CNNM1: variants seen among roughly 807,000 people sequenced by gnomAD.
The protein encoded by CNNM1 is metal transporter CNNM1.
In CNNM1, 44 loss-of-function variants were observed where a neutral mutation model predicts 78.8. The observed-to-expected ratio is 0.56, with a 90% confidence interval of 0.44 to 0.72. The LOEUF (loss-of-function observed/expected upper bound fraction) is 0.72, where lower values mean the gene tolerates loss of function less well. Among genes scored for constraint, CNNM1 ranks in the 30% least tolerant of loss-of-function variants. CNNM1 has a pLI of 0.00. For synonymous variants in CNNM1, 584 were observed against 581.5 expected, an observed-to-expected ratio of 1.00 and a Z score of -0.06; for missense variants, 1,101 against 1,292.2, an observed-to-expected ratio of 0.85 and a Z score of 2.27.
At chr10:99,378,130 A>C (rs2032034553) in intron 7 of CNNM1, among the ~76,000 whole-genome samples, 1 of 151,974 alleles carries the variant, frequency 6.6e-6, no homozygotes, top group African/African-American at 2.4e-5. Flanking sequence ...CGTCCAGCTA[A>C]CTTTTGTGTT....
rs76497746 is a variant in CNNM1 at position 99,387,121 on chromosome 10, C to T, written c.2341-699C>T. ...AGGGGTGACAGAGACACCCTCCTGC[C>T]TTTTAGAAGAGATATTTGATCCATA... On this transcript the variant is annotated intron_variant, in intron 7 of 10. Coordinates refer to ENST00000356713, the MANE Select transcript of CNNM1 (RefSeq NM_020348.3). 7.1e-3 allele frequency among the ~76,000 whole-genome samples: 1,085 copies of T among 152,278 alleles called. 7 individuals are homozygous for T. Among genetic ancestry groups the T allele is most frequent in the Non-Finnish European group, 0.01 (695 of 68,026 alleles).
chr10:99,392,464 A>G lies in CNNM1; in HGVS notation c.*948A>G, dbSNP rs1215362640. On this transcript the variant is annotated 3_prime_UTR_variant, in exon 11 of 11. Transcript: ENST00000356713. ...CAAGAAAGATACATAATCTCATGGG[A>G]CTTCAGTGGGAGTTACACAGGAATG... 6 of 152,782 alleles carry G rather than the reference A, an allele frequency of 3.9e-5. No homozygotes were observed. The East Asian group carries it at 9.7e-4, about 25-fold the overall frequency. The allele number at this position is 152,782 out of a possible 1,614,324, so 9.5% of individuals were successfully genotyped here.
intron 7 of CNNM1, among the ~76,000 whole-genome samples, chr10:99,380,763 C>T (rs2032119878): frequency 6.6e-6 from 1 of 150,438 alleles, no homozygotes; most frequent in African/African-American, 2.5e-5. Context: ...TGCACTCCAG[C>T]CTGGGTGACA....
chr10:99,363,360 T>G (rs901123733), intron 4 of CNNM1, among the ~76,000 whole-genome samples: 1 of 152,226 alleles, frequency 6.6e-6, no homozygotes, highest in African/African-American at 2.4e-5. Context: ...CCTGTTACAT[T>G]GTTTGTATAA....
intron 6 of CNNM1, chr10:99,368,388 C>T (rs2031691466): frequency 3.0e-6 from 1 of 337,840 alleles, no homozygotes; most frequent in Non-Finnish European, 5.9e-6. Context: ...CACATCTTTT[C>T]AGATGACCTT....
intron 1 of CNNM1, among the ~76,000 whole-genome samples, chr10:99,353,495 G>A (rs528265556): frequency 1.3e-5 from 2 of 152,292 alleles, no homozygotes; most frequent in South Asian, 4.2e-4. Context: ...GTGGCAGGAG[G>A]GAGTGACTTG....
chr10:99,388,087 TCA>T, intron 8 of CNNM1, 63 bp from the exon 9 acceptor site: 1 of 1,601,728 alleles, frequency 6.2e-7, no homozygotes, highest in South Asian at 1.1e-5. Context: ...TTCCCAGGGC[TCA>T]CACCACCTGA....
intron 6 of CNNM1, among the ~76,000 whole-genome samples, chr10:99,371,638 T>G (rs1332419515): frequency 6.6e-6 from 1 of 152,176 alleles, no homozygotes; most frequent in African/African-American, 2.4e-5. Context: ...GAAATATTCC[T>G]TCGGGTTGGC....
At chr10:99,337,244 T>C (rs970066693) in intron 1 of CNNM1, among the ~76,000 whole-genome samples, 9 of 152,194 alleles carry the variant, frequency 5.9e-5, no homozygotes, top group African/African-American at 2.2e-4. Flanking sequence ...TTCTCTCTAG[T>C]GCCACTAAAA....
chr10:99,368,570 A>T (rs1288749392), intron 6 of CNNM1: 1 of 1,202,390 alleles, frequency 8.3e-7, no homozygotes, highest in East Asian at 5.7e-5. Flanking sequence ...TTTTGTGTTT[A>T]TATCTTCCCT....
chr10:99,383,377 G>A (rs916673443), intron 7 of CNNM1, among the ~76,000 whole-genome samples: 4 of 152,080 alleles, frequency 2.6e-5, no homozygotes, highest in Admixed American at 6.5e-5. Flanking sequence ...GAGTTCAAGC[G>A]ATTCTCCTGC....
At chr10:99,360,759 C>G in intron 2 of CNNM1, 76 bp from the exon 3 acceptor site, 1 of 1,517,080 alleles carries the variant, frequency 6.6e-7, no homozygotes, top group Non-Finnish European at 8.9e-7. Context: ...CTATCTGTCC[C>G]CTGTGATTCT....
intron 1 of CNNM1, among the ~76,000 whole-genome samples, chr10:99,340,679 G>T (rs2030402973): frequency 6.6e-6 from 1 of 151,430 alleles, no homozygotes; most frequent in African/African-American, 2.4e-5. Flanking sequence ...TTTCAAAATG[G>T]GATTCTCCTC....
chr10:99,376,969 C>G, intron 6 of CNNM1, 86 bp from the exon 7 acceptor site: 5 of 1,270,102 alleles, frequency 3.9e-6, no homozygotes, highest in Non-Finnish European at 4.4e-6. Flanking sequence ...ACACCTGTCT[C>G]TCCCTCCTTC....
chr10:99,371,012 A>G (rs1022251797), intron 6 of CNNM1, among the ~76,000 whole-genome samples: 1 of 152,210 alleles, frequency 6.6e-6, no homozygotes, highest in African/African-American at 2.4e-5. Flanking sequence ...AGGTAGGCAG[A>G]GGGACAAGGA....
At chr10:99,369,646 C>T (rs2031737705) in intron 6 of CNNM1, among the ~76,000 whole-genome samples, 1 of 152,134 alleles carries the variant, frequency 6.6e-6, no homozygotes, top group Non-Finnish European at 1.5e-5. Context: ...ATCTGGTCCT[C>T]ATGTTGATCT....
chr10:99,330,170 C>A lies in CNNM1; in HGVS notation c.783C>A (p.Gly261=). ...AGTTACGGGTGCTGCGGAACAGCGG[C>A]TCGGCCGCCGAGCAGGAGCAGGCGC... ...PVELRVLRNS[G]SAAEQEQARR... is the part of the protein sequence containing the mutation. The change falls in exon 1 of 11, where the codon GGC becomes GGA. Residue 261 remains glycine (G), a synonymous_variant. Coordinates refer to ENST00000356713, the MANE Select transcript of CNNM1 (RefSeq NM_020348.3). The A allele has an allele frequency of 6.6e-7, 1 of 1,523,086 alleles. No individual in the cohort carries two copies. The highest frequency in any genetic ancestry group is 8.8e-7 in the Non-Finnish European group (1 of 1,140,766). 94.3% of individuals were successfully genotyped at this position (1,523,086 alleles called of 1,614,324 possible). A position where few individuals can be genotyped will look rare whatever the true frequency, so the allele number is the denominator to read the frequency against.
intron 7 of CNNM1, among the ~76,000 whole-genome samples, chr10:99,383,227 C>G (rs1388786176): frequency 6.6e-6 from 1 of 152,144 alleles, no homozygotes; most frequent in Admixed American, 6.5e-5. Context: ...AGGGTACTAT[C>G]TAATTCATTA....
Position 99,392,297 on chromosome 10 carries a change from G to C in CNNM1, c.*781G>C, listed in dbSNP as rs1001322956. 3 of 152,532 alleles carry C rather than the reference G, an allele frequency of 2.0e-5. No individual in the cohort carries two copies. Among genetic ancestry groups the C allele is most frequent in the African/African-American group, 7.2e-5 (3 of 41,456 alleles). 9.4% of individuals were successfully genotyped at this position (152,532 alleles called of 1,614,324 possible). A position where few individuals can be genotyped will look rare whatever the true frequency, so the allele number is the denominator to read the frequency against. On this transcript the variant is annotated 3_prime_UTR_variant, in exon 11 of 11. Transcript: ENST00000356713. ...TCTGGAAGAGAAGGAACAGGGAGCA[G>C]AGAGACCCAACTGGGAGCCAGAGAT...
Sources: allele counts gnomAD v4.1 joint callset (sites outside exome capture counted in the v4.1 genomes callset), GRCh38; gene constraint gnomAD v4.1.1; transcripts MANE v1.5; gene names NCBI Gene and HGNC (gene_info 2026-07-23, HGNC 2026-07-21).